Variants in PTPRR observed in about 807,000 individuals in gnomAD.
The protein encoded by PTPRR is protein tyrosine phosphatase receptor type R.
Under a neutral mutation model 77.2 loss-of-function variants are expected in PTPRR, and 38 were observed. The ratio of observed to expected loss-of-function variants is 0.49; its 90% CI spans 0.38 to 0.65. The LOEUF (loss-of-function observed/expected upper bound fraction) is 0.65. Ranked by LOEUF, PTPRR falls within the 30% of genes least tolerant of loss-of-function variation. The pLI is 0.00. For synonymous variants in PTPRR, 299 were observed against 283.1 expected (o/e 1.06, Z -0.57); for missense variants, 744 against 799.2 (o/e 0.93, Z 0.83).
At chr12:70,839,337 G>T (rs1892356394) in intron 2 of PTPRR, among the ~76,000 whole-genome samples, 4 of 151,888 alleles carry the variant, frequency 2.6e-5, no homozygotes, top group Admixed American at 2.6e-4. Context: ...GTGTGTGTGT[G>T]TGTTAAAAGT....
intron 6 of PTPRR, among the ~76,000 whole-genome samples, chr12:70,742,549 G>A (rs117833608): frequency 0.012 from 1,802 of 152,300 alleles, 12 homozygotes; most frequent in Middle Eastern, 0.02. Context: ...CCAAAGGCCA[G>A]ATCAGAAAGG....
chr12:70,783,998 G>A (rs946166664), intron 2 of PTPRR, among the ~76,000 whole-genome samples: 1 of 152,296 alleles, frequency 6.6e-6, no homozygotes, highest in African/African-American at 2.4e-5. Context: ...GGAGTAGGGA[G>A]AAGCCCGGCA....
At chr12:70,826,012 G>A (rs1421019523) in intron 2 of PTPRR, among the ~76,000 whole-genome samples, 1 of 152,064 alleles carries the variant, frequency 6.6e-6, no homozygotes, top group Non-Finnish European at 1.5e-5. Flanking sequence ...GATCTTTTCA[G>A]AAACTAAATT....
At chr12:70,850,797 A>C (rs1243002917) in intron 2 of PTPRR, among the ~76,000 whole-genome samples, 1 of 152,194 alleles carries the variant, frequency 6.6e-6, no homozygotes, top group Non-Finnish European at 1.5e-5. Flanking sequence ...GCATTTTGCA[A>C]GTTCCTTTTC....
chr12:70,685,139 G>C (rs1887813684), intron 8 of PTPRR, among the ~76,000 whole-genome samples: 1 of 152,104 alleles, frequency 6.6e-6, no homozygotes, highest in Admixed American at 6.5e-5. Flanking sequence ...TCCCTATGGA[G>C]GTAAATCAGG....
Position 70,700,914 on chromosome 12 carries a change from A to G in PTPRR, c.1194+223T>C, listed in dbSNP as rs577273337. On this transcript the variant is annotated intron_variant, in intron 7 of 13. Coordinates refer to ENST00000283228, the MANE Select transcript of PTPRR (RefSeq NM_002849.4). ...CTCTGCCCAGCTCCCTATACCACTT[A>G]TTTGCCTCACCAATTCTTGCATATT... 1.1e-4 allele frequency among the ~76,000 whole-genome samples: 17 copies of G among 152,158 alleles called. No homozygotes were observed. In the East Asian group the frequency reaches 2.5e-3, roughly 22 times the overall value.
chr12:70,819,849 A>T (rs968989568), intron 2 of PTPRR, among the ~76,000 whole-genome samples: 1 of 152,106 alleles, frequency 6.6e-6, no homozygotes, highest in Non-Finnish European at 1.5e-5. Context: ...CACTTTCTAC[A>T]TCATAGAATA....
At chr12:70,878,243 G>T (rs1592810062) in intron 2 of PTPRR, among the ~76,000 whole-genome samples, 1 of 152,126 alleles carries the variant, frequency 6.6e-6, no homozygotes, top group Admixed American at 6.5e-5. Context: ...AGCCAAAATT[G>T]ACAAATGGGA....
chr12:70,841,076 A>T (rs1892388521), intron 2 of PTPRR, among the ~76,000 whole-genome samples: 1 of 150,970 alleles, frequency 6.6e-6, no homozygotes, highest in Admixed American at 6.6e-5. Context: ...TTGGTCCAGG[A>T]GAATTTCCTG....
At position 70,662,006 on chromosome 12, in the gene PTPRR, G is replaced by C. The variant is rs75031829; in HGVS notation, c.1608+489C>G. Among the ~76,000 whole-genome samples the C allele has an allele frequency of 1.4e-3, 213 of 152,234 alleles. 1 individual carries two copies. Among genetic ancestry groups the C allele is most frequent in the Non-Finnish European group, 2.0e-3 (134 of 68,014 alleles). ...GATAGTTTTCCTATGACATAATCTC[G>C]TCTGGGGAAAGTCCCTATAAATTAC... On this transcript the variant is annotated intron_variant, in intron 11 of 13. Coordinates refer to ENST00000283228, the MANE Select transcript of PTPRR (RefSeq NM_002849.4).
chr12:70,658,908 T>TTA (rs1886687973), intron 12 of PTPRR, among the ~76,000 whole-genome samples: 1 of 140,100 alleles, frequency 7.1e-6, no homozygotes, highest in African/African-American at 2.7e-5. Context: ...TTTTTTTTTT[T>TTA]TTTTTTTATA....
intron 3 of PTPRR, 61 bp downstream of exon 3, chr12:70,764,604 G>A (rs1229398890): frequency 2.2e-6 from 3 of 1,351,030 alleles, no homozygotes; most frequent in Non-Finnish European, 3.2e-6. Flanking sequence ...GAGCCCTTTA[G>A]TGATTAAAAA....
intron 2 of PTPRR, among the ~76,000 whole-genome samples, chr12:70,869,061 C>T (rs190387985): frequency 4.9e-4 from 72 of 148,204 alleles, no homozygotes; most frequent in African/African-American, 1.8e-3. Flanking sequence ...GGAGGGATAG[C>T]ATTAGGAGAT....
chr12:70,745,328 A>C (rs1386463663), intron 6 of PTPRR, among the ~76,000 whole-genome samples: 1 of 152,208 alleles, frequency 6.6e-6, no homozygotes, highest in Non-Finnish European at 1.5e-5. Context: ...GCGCCCGTCC[A>C]GTGTCATGGA....
chr12:70,885,534 ATTTT>A (rs34620002), intron 2 of PTPRR, among the ~76,000 whole-genome samples: 5 of 137,072 alleles, frequency 3.6e-5, no homozygotes, highest in African/African-American at 1.1e-4. Context: ...ACAGTTAAGG[ATTTT>A]TTTTTTTTTT....
intron 2 of PTPRR, among the ~76,000 whole-genome samples, chr12:70,799,967 T>A (rs1226187380): frequency 6.6e-6 from 1 of 152,084 alleles, no homozygotes; most frequent in African/African-American, 2.4e-5. Context: ...CACAAAGATA[T>A]GGTTAAAATA....
At chr12:70,816,020 A>G (rs936326458) in intron 2 of PTPRR, among the ~76,000 whole-genome samples, 4 of 152,174 alleles carry the variant, frequency 2.6e-5, no homozygotes, top group Admixed American at 2.6e-4. Context: ...TTCCTGAGTT[A>G]TCTACGTCTT....
chr12:70,657,423 G>A (rs1886625434), intron 12 of PTPRR, among the ~76,000 whole-genome samples: 1 of 152,190 alleles, frequency 6.6e-6, no homozygotes, highest in Non-Finnish European at 1.5e-5. Context: ...CATGATAATT[G>A]AACAGAAATG....
At chr12:70,727,746 C>T (rs553367912) in intron 6 of PTPRR, among the ~76,000 whole-genome samples, 26 of 152,256 alleles carry the variant, frequency 1.7e-4, no homozygotes, top group Admixed American at 3.3e-4. Context: ...TGCATCCAAA[C>T]GGCACAGAAT....
Sources: gnomAD v4.1 joint callset for allele counts (sites outside exome capture counted in the v4.1 genomes callset) on GRCh38, gnomAD v4.1.1 for gene constraint, MANE v1.5 for transcripts, NCBI Gene and HGNC (gene_info 2026-07-23, HGNC 2026-07-21) for gene names.